Variants in ALDH7A1 observed in about 807,000 individuals in gnomAD.
ALDH7A1 encodes the protein alpha-aminoadipic semialdehyde dehydrogenase.
A neutral mutation model predicts 79.9 loss-of-function variants in ALDH7A1; 63 were observed. The ratio of observed to expected loss-of-function variants is 0.79; its 90% CI spans 0.64 to 0.97. The LOEUF (loss-of-function observed/expected upper bound fraction) is 0.97, where lower values mean the gene tolerates loss of function less well. Among genes scored for constraint, ALDH7A1 ranks in the 50% least tolerant of loss-of-function variants. The pLI is 0.00. For missense variants in ALDH7A1, 627 were observed against 665.2 expected (o/e 0.94, Z 0.63); for synonymous variants, 240 against 231.2 (o/e 1.04, Z -0.34).
chr5:126,562,804 C>T (rs1750447665), intron 9 of ALDH7A1, among the ~76,000 whole-genome samples: 1 of 152,154 alleles, frequency 6.6e-6, no homozygotes, highest in African/African-American at 2.4e-5. Flanking sequence ...ACTGAGATTG[C>T]ACCACTGCAC....
chr5:126,593,555 C>G lies in ALDH7A1; in HGVS notation c.193-151G>C, dbSNP rs890847372. The G allele has an allele frequency of 2.7e-6, 3 of 1,093,938 alleles. No individual in the cohort carries two copies. The South Asian group carries it at 4.1e-5, about 15-fold the overall frequency. The allele number at this position is 1,093,938 out of a possible 1,614,324, so 67.8% of individuals were successfully genotyped here. ...AGGTTAACTTCTGTTACATATAAAC[C>G]ACTCTACAGAGGTTGTCTTTCATTT... On this transcript the variant is annotated intron_variant, in intron 1 of 17. Coordinates refer to ENST00000409134, the MANE Select transcript of ALDH7A1 (RefSeq NM_001182.5).
intron 1 of ALDH7A1, 42 bp downstream of exon 1, chr5:126,594,965 C>T: frequency 6.4e-7 from 1 of 1,555,228 alleles, no homozygotes; most frequent in Non-Finnish European, 8.7e-7. Flanking sequence ...CCTCCTCGAG[C>T]GAGCCCCGGC....
At chr5:126,547,471 G>C (rs1489724354) in intron 16 of ALDH7A1, among the ~76,000 whole-genome samples, 1 of 152,180 alleles carries the variant, frequency 6.6e-6, no homozygotes, top group Non-Finnish European at 1.5e-5. Context: ...GTACCCCACT[G>C]CCCTCCGCTT....
intron 7 of ALDH7A1, among the ~76,000 whole-genome samples, chr5:126,574,491 C>T (rs921321071): frequency 2.0e-5 from 3 of 151,624 alleles, no homozygotes; most frequent in Non-Finnish European, 4.4e-5. Context: ...GTCAGGAGAT[C>T]AAGACCATCC....
At chr5:126,584,230 G>T (rs1220101877) in intron 3 of ALDH7A1, 2 of 530,340 alleles carry the variant, frequency 3.8e-6, no homozygotes, top group African/African-American at 3.8e-5. Context: ...AGAAGAAAAG[G>T]CAACAAATAA....
At chr5:126,573,327 G>A (rs772184699) in intron 7 of ALDH7A1, among the ~76,000 whole-genome samples, 6 of 150,524 alleles carry the variant, frequency 4.0e-5, no homozygotes, top group Non-Finnish European at 5.9e-5. Flanking sequence ...TTGGGAGGCC[G>A]AGGCAGGCAG....
chr5:126,580,818 T>C (rs951385037), intron 5 of ALDH7A1, among the ~76,000 whole-genome samples: 3 of 151,054 alleles, frequency 2.0e-5, no homozygotes, highest in African/African-American at 7.3e-5. Flanking sequence ...GCTTACACTC[T>C]TAACCTCATT....
At position 126,575,474 on chromosome 5, in the gene ALDH7A1, G is replaced by A; in HGVS notation, c.651-10C>T. On this transcript the variant is annotated splice_polypyrimidine_tract_variant and intron_variant, in intron 6 of 17. Coordinates refer to ENST00000409134, the MANE Select transcript of ALDH7A1 (RefSeq NM_001182.5). ...GGTTGGAGCTCCTTTCCTTAAGAAG[G>A]TTAAAACAAAAAAAGAAAAAGAAAA... The A allele has an allele frequency of 1.2e-6, 2 of 1,608,642 alleles. No homozygotes were observed. The highest frequency in any genetic ancestry group is 1.3e-5 in the African/African-American group (1 of 74,758).
intron 2 of ALDH7A1, 86 bp from the exon 3 acceptor site, chr5:126,592,815 G>C: frequency 7.4e-7 from 1 of 1,360,474 alleles, no homozygotes; most frequent in South Asian, 1.2e-5. Flanking sequence ...TTTCAGAAAA[G>C]AGTTGGGAAA....
intron 7 of ALDH7A1, among the ~76,000 whole-genome samples, chr5:126,574,611 C>T (rs1411375518): frequency 3.3e-5 from 5 of 151,898 alleles, no homozygotes; most frequent in South Asian, 4.2e-4. Context: ...AGGAGAATGG[C>T]GTGAACCCGG....
chr5:126,592,859 T>G, intron 2 of ALDH7A1, 130 bp from the exon 3 acceptor site: 1 of 905,356 alleles, frequency 1.1e-6, no homozygotes, highest in East Asian at 2.6e-5. Context: ...TGGCTGAGAA[T>G]GATTCCCACA....
chr5:126,575,571 C>CA (rs1750936986), intron 6 of ALDH7A1, 107 bp from the exon 7 acceptor site: 6 of 970,350 alleles, frequency 6.2e-6, no homozygotes, highest in Non-Finnish European at 9.2e-6. Context: ...AAGCTCTGTC[C>CA]AATTAGACAA....
At chr5:126,570,883 G>A (rs961508338) in intron 7 of ALDH7A1, 24 bp from the exon 8 acceptor site, 15 of 1,609,274 alleles carry the variant, frequency 9.3e-6, no homozygotes, top group Non-Finnish European at 1.3e-5. Context: ...AGCAATTACT[G>A]AGGCAATAAT....
intron 5 of ALDH7A1, among the ~76,000 whole-genome samples, chr5:126,578,463 A>C (rs1255710283): frequency 6.6e-6 from 1 of 151,750 alleles, no homozygotes; most frequent in East Asian, 1.9e-4. Flanking sequence ...ACATGGCAAG[A>C]CCCCTGACTC....
chr5:126,594,152 T>C (rs541123495), intron 1 of ALDH7A1: 1 of 469,422 alleles, frequency 2.1e-6, no homozygotes, highest in African/African-American at 2.0e-5. Flanking sequence ...CAGTAATGGG[T>C]ATCAGGCGCG....
At chr5:126,546,176 A>C in intron 17 of ALDH7A1, 148 bp downstream of exon 17, 1 of 776,240 alleles carries the variant, frequency 1.3e-6, no homozygotes, top group East Asian at 2.7e-5. Context: ...AATAGCACCA[A>C]ATAGATACTT....
At chr5:126,546,084 C>G (rs1231088538) in intron 17 of ALDH7A1, among the ~76,000 whole-genome samples, 2 of 152,200 alleles carry the variant, frequency 1.3e-5, no homozygotes, top group African/African-American at 4.8e-5. Flanking sequence ...CCCAACTCTA[C>G]TAAAAATACA....
chr5:126,575,778 C>T (rs1051280137), intron 6 of ALDH7A1, among the ~76,000 whole-genome samples: 1 of 152,228 alleles, frequency 6.6e-6, no homozygotes, highest in African/African-American at 2.4e-5. Context: ...AATCTACCAA[C>T]GTGCTGCATT....
In ALDH7A1 at chr5:126,549,067, C is replaced by T. The variant is rs1749897528; in HGVS notation, c.1489+862G>A. On this transcript the variant is annotated intron_variant, in intron 16 of 17. Transcript: ENST00000409134. Reference sequence around the variant, plus strand: ...CCAGCCTGGGCAACATAGCAAGCCCCCAGCTCAAAAAAAAAAAAAAAAAAA... The same window carrying T: ...CCAGCCTGGGCAACATAGCAAGCCCTCAGCTCAAAAAAAAAAAAAAAAAAA... 1.6e-5 allele frequency among the ~76,000 whole-genome samples: 2 copies of T among 124,602 alleles called. 1 individual carries two copies. The highest frequency in any genetic ancestry group is 5.7e-4 in the South Asian group (2 of 3,490). The allele number at this position is 124,602 out of a possible 152,430, so 81.7% of individuals were successfully genotyped here.
Sources: gnomAD v4.1 joint callset for allele counts (sites outside exome capture counted in the v4.1 genomes callset) on GRCh38, gnomAD v4.1.1 for gene constraint, MANE v1.5 for transcripts, NCBI Gene and HGNC (gene_info 2026-07-23, HGNC 2026-07-21) for gene names.